SOX5: variants seen among roughly 807,000 people sequenced by gnomAD.
SOX5 encodes the protein transcription factor SOX-5.
Under a neutral mutation model 92.0 loss-of-function variants are expected in SOX5, and 9 were observed. The ratio of observed to expected loss-of-function variants is 0.10; its 90% CI spans 0.06 to 0.17. The LOEUF is 0.17. Among genes scored for constraint, SOX5 ranks in the 10% least tolerant of loss-of-function variants. The pLI, the probability that SOX5 is intolerant of heterozygous loss-of-function variation, is 1.00. For missense variants in SOX5, 642 were observed against 944.5 expected (o/e 0.68, Z 4.20); for synonymous variants, 344 against 336.3 (o/e 1.02, Z -0.25).
chr12:24,177,829 C>G (rs914132468), intron 4 of SOX5, among the ~76,000 whole-genome samples: 5 of 151,956 alleles, frequency 3.3e-5, no homozygotes, highest in African/African-American at 9.7e-5. Flanking sequence ...TCTTGTCAAA[C>G]CAGTCATTGA....
At chr12:23,983,438 C>T (rs1355326225) in intron 4 of SOX5, among the ~76,000 whole-genome samples, 2 of 152,114 alleles carry the variant, frequency 1.3e-5, no homozygotes, top group East Asian at 3.9e-4. Context: ...GGAAGACTGG[C>T]CTTTGAAGCT....
chr12:23,715,559 C>A (rs2092426853), intron 6 of SOX5, among the ~76,000 whole-genome samples: 2 of 152,022 alleles, frequency 1.3e-5, no homozygotes, highest in South Asian at 4.1e-4. Flanking sequence ...CCTCAGAGAG[C>A]CCATTATTAC....
intron 9 of SOX5, among the ~76,000 whole-genome samples, chr12:23,595,360 C>T (rs903462668): frequency 3.3e-5 from 5 of 152,032 alleles, no homozygotes; most frequent in East Asian, 1.9e-4. Flanking sequence ...CGGTGGCTCA[C>T]GCCTGTAATC....
At chr12:24,471,498 A>T (rs746972906) in intron 1 of SOX5, among the ~76,000 whole-genome samples, 2 of 152,204 alleles carry the variant, frequency 1.3e-5, no homozygotes, top group Non-Finnish European at 2.9e-5. Flanking sequence ...AATACTGTAG[A>T]TGATAAAGAT....
chr12:24,355,272 A>AG (rs1478745409), intron 2 of SOX5, among the ~76,000 whole-genome samples: 3 of 109,454 alleles, frequency 2.7e-5, no homozygotes, highest in South Asian at 3.3e-4. Flanking sequence ...AGGTGTGGTG[A>AG]GGGGTGCATC....
chr12:24,512,595 A>C (rs1309543910), intron 1 of SOX5, among the ~76,000 whole-genome samples: 1 of 152,222 alleles, frequency 6.6e-6, no homozygotes, highest in Non-Finnish European at 1.5e-5. Context: ...AGAGTGCAAT[A>C]CAACGGAAAG....
intron 4 of SOX5, among the ~76,000 whole-genome samples, chr12:24,175,458 G>T (rs999597108): frequency 3.9e-5 from 6 of 152,226 alleles, no homozygotes; most frequent in African/African-American, 1.2e-4. Flanking sequence ...TCAGCTTCCT[G>T]TGCAGTAAGC....
chr12:24,194,941 TA>T (rs1228484642), intron 4 of SOX5, among the ~76,000 whole-genome samples: 1 of 152,160 alleles, frequency 6.6e-6, no homozygotes, highest in African/African-American at 2.4e-5. Context: ...CCGTAGTTCA[TA>T]AACTAGAAAA....
intron 2 of SOX5, among the ~76,000 whole-genome samples, chr12:23,879,231 G>T (rs1249739282): frequency 6.6e-6 from 1 of 151,954 alleles, no homozygotes; most frequent in African/African-American, 2.4e-5. Flanking sequence ...TTAACTGAAA[G>T]AATTAATTCA....
At chr12:23,833,167 C>G (rs1036724826) in intron 3 of SOX5, among the ~76,000 whole-genome samples, 3 of 151,956 alleles carry the variant, frequency 2.0e-5, no homozygotes, top group African/African-American at 7.2e-5. Flanking sequence ...AATCCTGAGT[C>G]TGGAAACTCT....
At chr12:23,753,770 A>C (rs1245650311) in intron 4 of SOX5, among the ~76,000 whole-genome samples, 1 of 151,736 alleles carries the variant, frequency 6.6e-6, no homozygotes, top group East Asian at 1.9e-4. Context: ...AGAACCTTTA[A>C]ATCAAATTCA....
At chr12:24,225,519 T>C (rs559950508) in intron 3 of SOX5, among the ~76,000 whole-genome samples, 1 of 152,250 alleles carries the variant, frequency 6.6e-6, no homozygotes, top group African/African-American at 2.4e-5. Context: ...CATTTCATTT[T>C]CTTAAAATAA....
chr12:24,474,004 C>T (rs1945086476), intron 1 of SOX5, among the ~76,000 whole-genome samples: 1 of 152,044 alleles, frequency 6.6e-6, no homozygotes, highest in Admixed American at 6.5e-5. Flanking sequence ...AAAGATTGGC[C>T]ATTTTATAGC....
chr12:23,724,114 T>G (rs1374305236), intron 6 of SOX5, among the ~76,000 whole-genome samples: 1 of 152,178 alleles, frequency 6.6e-6, no homozygotes, highest in Non-Finnish European at 1.5e-5. Flanking sequence ...TCCTGCCACA[T>G]TTGCCAACCT....
chr12:24,029,196 T>C (rs1410235138), intron 4 of SOX5, among the ~76,000 whole-genome samples: 3 of 152,030 alleles, frequency 2.0e-5, no homozygotes, highest in African/African-American at 7.2e-5. Flanking sequence ...GTGTATTTCC[T>C]CATCAGTTTT....
intron 2 of SOX5, among the ~76,000 whole-genome samples, chr12:24,340,636 A>C (rs1828131286): frequency 6.6e-6 from 1 of 152,242 alleles, no homozygotes; most frequent in African/African-American, 2.4e-5. Context: ...ATTGGTCACC[A>C]ATGAATTTTC....
chr12:23,869,833 A>G (rs558264996), intron 2 of SOX5, among the ~76,000 whole-genome samples: 1 of 152,212 alleles, frequency 6.6e-6, no homozygotes, highest in Admixed American at 6.5e-5. Flanking sequence ...CTCCCATGAC[A>G]TATCTTATAT....
chr12:24,562,266 G>A (rs980909246), intron 1 of SOX5: 1 of 152,280 alleles, frequency 6.6e-6, no homozygotes, highest in Non-Finnish European at 1.5e-5. Flanking sequence ...GGAGCTCTGC[G>A]CCTTGGAGGT....
chr12:24,041,755 T>C (rs914635481), intron 4 of SOX5, among the ~76,000 whole-genome samples: 7 of 152,056 alleles, frequency 4.6e-5, no homozygotes, highest in Admixed American at 1.3e-4. Flanking sequence ...GAAGTCTAGA[T>C]AAAAAGTAGA....
Sources: gnomAD v4.1 joint callset for allele counts (sites outside exome capture counted in the v4.1 genomes callset) on GRCh38, gnomAD v4.1.1 for gene constraint, MANE v1.5 for transcripts, NCBI Gene and HGNC (gene_info 2026-07-23, HGNC 2026-07-21) for gene names.